The following SORCS1 variants were observed in gnomAD, a reference collection of about 807,000 sequenced individuals.
SORCS1 encodes the protein VPS10 domain-containing receptor SorCS1.
Under a neutral mutation model 146.1 loss-of-function variants are expected in SORCS1, and 60 were observed. The ratio of observed to expected loss-of-function variants is 0.41; its 90% CI spans 0.33 to 0.51. The LOEUF (loss-of-function observed/expected upper bound fraction) is 0.51. Ranked by LOEUF, SORCS1 falls within the 20% of genes least tolerant of loss-of-function variation. The pLI, the probability that SORCS1 is intolerant of heterozygous loss-of-function variation, is 0.21. For missense variants in SORCS1, 1,352 were observed against 1,487.6 expected (o/e 0.91, Z 1.50); for synonymous variants, 637 against 584.0 (o/e 1.09, Z -1.31).
At chr10:106,834,352 A>T (rs1243421527) in intron 2 of SORCS1, among the ~76,000 whole-genome samples, 3 of 152,244 alleles carry the variant, frequency 2.0e-5, no homozygotes, top group Admixed American at 6.5e-5. Context: ...GAAATATGTG[A>T]TTAGGCAACA....
chr10:107,008,267 T>C (rs1442286383), intron 1 of SORCS1, among the ~76,000 whole-genome samples: 5 of 152,186 alleles, frequency 3.3e-5, no homozygotes, highest in African/African-American at 7.2e-5. Context: ...TTTAAGGTGA[T>C]AGAAGTCCAA....
rs1380247251 is a variant in SORCS1, at chr10:107,027,978, AG to A, written c.559-71399del. 4.5e-4 allele frequency among the ~76,000 whole-genome samples: 68 copies of A among 152,242 alleles called. 1 individual carries two copies. The highest frequency in any genetic ancestry group is 1.6e-3 in the African/African-American group (68 of 41,458). On this transcript the variant is annotated intron_variant, in intron 1 of 25. Transcript: ENST00000263054. ...GTCCTCAAAATATGTATGGTGAATG[AG>A]TGAAAGAATGAATGAATGAGTTTTG...
chr10:106,981,904 A>G (rs1020852976), intron 1 of SORCS1, among the ~76,000 whole-genome samples: 1 of 152,186 alleles, frequency 6.6e-6, no homozygotes, highest in Non-Finnish European at 1.5e-5. Context: ...CTCCTAAGAG[A>G]AGCCCACGAA....
intron 18 of SORCS1, among the ~76,000 whole-genome samples, chr10:106,641,900 A>G (rs1315906224): frequency 6.6e-6 from 1 of 152,198 alleles, no homozygotes; most frequent in Non-Finnish European, 1.5e-5. Context: ...TTAAAACTCA[A>G]TATAACAGAG....
chr10:107,166,168 A>C (rs550468499), upstream of SORCS1, among the ~76,000 whole-genome samples: 1 of 152,324 alleles, frequency 6.6e-6, no homozygotes, highest in East Asian at 1.9e-4. Flanking sequence ...ACAAAATAGT[A>C]CCGATTCCAG....
At chr10:106,598,688 CTTAA>C in intron 23 of SORCS1, among the ~76,000 whole-genome samples, 1 of 152,196 alleles carries the variant, frequency 6.6e-6, no homozygotes, top group Non-Finnish European at 1.5e-5. Flanking sequence ...TAATTAAATT[CTTAA>C]TTTTTTTTTC....
intron 17 of SORCS1, 25 bp downstream of exon 17, chr10:106,667,664 C>T: frequency 1.3e-6 from 2 of 1,580,750 alleles, no homozygotes; most frequent in South Asian, 2.2e-5. Context: ...GTTGGCCTCT[C>T]AAGGTCACTA....
intron 3 of SORCS1, among the ~76,000 whole-genome samples, chr10:106,819,274 G>A (rs1469616286): frequency 6.6e-6 from 1 of 152,086 alleles, no homozygotes; most frequent in East Asian, 1.9e-4. Flanking sequence ...GTCATGCAGG[G>A]GTTTACAACA....
intron 1 of SORCS1, among the ~76,000 whole-genome samples, chr10:107,028,743 T>C (rs1052026474): frequency 4.6e-5 from 7 of 152,246 alleles, no homozygotes; most frequent in African/African-American, 1.4e-4. Context: ...CTACATCTGC[T>C]GGTGTACCCC....
chr10:107,157,250 G>A (rs566822413), intron 1 of SORCS1, among the ~76,000 whole-genome samples: 3 of 151,926 alleles, frequency 2.0e-5, no homozygotes, highest in Non-Finnish European at 4.4e-5. Context: ...TGCCTGTGAT[G>A]GGCTTCAGAC....
At position 106,666,554 on chromosome 10, in the gene SORCS1, C is replaced by CT. The variant is rs1423294567; in HGVS notation, c.2303+1134dup. ...CCAATTCTTTACAATAAATCTCTCT[C>CT]TTTTTTTTTTTTTTTTTCTTGAGAC... On this transcript the variant is annotated intron_variant, in intron 17 of 25. Coordinates refer to ENST00000263054, the MANE Select transcript of SORCS1 (RefSeq NM_052918.5). Among the ~76,000 whole-genome samples, 390 of 141,180 alleles carry CT rather than the reference C, an allele frequency of 2.8e-3. 1 individual carries two copies. Among genetic ancestry groups the CT allele is most frequent in the East Asian group, 0.011 (56 of 4,892 alleles). The allele number at this position is 141,180 out of a possible 152,430, so 92.6% of individuals were successfully genotyped here.
At chr10:106,738,330 G>T (rs1471117654) in intron 5 of SORCS1, among the ~76,000 whole-genome samples, 1 of 152,194 alleles carries the variant, frequency 6.6e-6, no homozygotes, top group Non-Finnish European at 1.5e-5. Flanking sequence ...ATCTAAGTGG[G>T]TAGTAAATGT....
chr10:107,092,310 C>T (rs1964240062), intron 1 of SORCS1, among the ~76,000 whole-genome samples: 1 of 152,146 alleles, frequency 6.6e-6, no homozygotes, highest in African/African-American at 2.4e-5. Flanking sequence ...AAGACTGACA[C>T]GAGCTCTTTC....
intron 17 of SORCS1, among the ~76,000 whole-genome samples, chr10:106,665,264 T>C (rs1851039552): frequency 6.6e-6 from 1 of 152,142 alleles, no homozygotes; most frequent in Non-Finnish European, 1.5e-5. Flanking sequence ...AAGTGGATTC[T>C]CTGTACTGTA....
chr10:106,841,777 G>A (rs187333577), intron 2 of SORCS1, among the ~76,000 whole-genome samples: 1 of 152,152 alleles, frequency 6.6e-6, no homozygotes, highest in African/African-American at 2.4e-5. Flanking sequence ...TTTTCTAAGT[G>A]TTGAATAATG....
chr10:106,656,159 T>A (rs1378740325), intron 17 of SORCS1, among the ~76,000 whole-genome samples: 2 of 152,190 alleles, frequency 1.3e-5, no homozygotes, highest in African/African-American at 4.8e-5. Flanking sequence ...TTTTAGCTAT[T>A]CTCTTCCTCC....
At chr10:106,995,078 C>T (rs537187388) in intron 1 of SORCS1, among the ~76,000 whole-genome samples, 96 of 151,940 alleles carry the variant, frequency 6.3e-4, no homozygotes, top group South Asian at 2.7e-3. Context: ...TTTGGGAGGC[C>T]GAGGCAGGTG....
At chr10:106,650,566 T>C (rs756295983) in intron 18 of SORCS1, among the ~76,000 whole-genome samples, 4 of 152,224 alleles carry the variant, frequency 2.6e-5, no homozygotes, top group Non-Finnish European at 5.9e-5. Context: ...TCCTTCTCCC[T>C]GGGACATGAC....
At chr10:107,116,517 T>C (rs1966047619) in intron 1 of SORCS1, among the ~76,000 whole-genome samples, 1 of 151,940 alleles carries the variant, frequency 6.6e-6, no homozygotes, top group Non-Finnish European at 1.5e-5. Context: ...CTGCCATATA[T>C]AAAAACATGG....
Sources: gnomAD v4.1 joint callset for allele counts (sites outside exome capture counted in the v4.1 genomes callset) on GRCh38, gnomAD v4.1.1 for gene constraint, MANE v1.5 for transcripts, NCBI Gene and HGNC (gene_info 2026-07-23, HGNC 2026-07-21) for gene names.